The following SF3B1 variants were observed in gnomAD, a reference collection of about 807,000 sequenced individuals.
The protein encoded by SF3B1 is pre-mRNA processing 10.
Under a neutral mutation model 153.8 loss-of-function variants are expected in SF3B1, and 12 were observed. The ratio of observed to expected loss-of-function variants is 0.08; its 90% CI spans 0.05 to 0.13. The LOEUF (loss-of-function observed/expected upper bound fraction) is 0.13. Among genes scored for constraint, SF3B1 ranks in the 10% least tolerant of loss-of-function variants. The probability of loss-of-function intolerance (pLI) is 1.00; values close to 1 mark genes in which losing one functional copy is unlikely to be tolerated. For synonymous variants in SF3B1, 498 were observed against 525.2 expected, an observed-to-expected ratio of 0.95 and a Z score of 0.71; for missense variants, 513 against 1,606.1, an observed-to-expected ratio of 0.32 and a Z score of 11.63.
chr2:197,435,032 G>T, upstream of SF3B1: 1 of 1,614,204 alleles, frequency 6.2e-7, no homozygotes, highest in Non-Finnish European at 8.5e-7. Flanking sequence ...CGGAACTGGC[G>T]CTCCCAAGAA....
intron 6 of SF3B1, among the ~76,000 whole-genome samples, chr2:197,414,462 G>A (rs2085118211): frequency 1.3e-5 from 2 of 152,190 alleles, no homozygotes; most frequent in African/African-American, 4.8e-5. Context: ...CTAAGGAGTA[G>A]TAGCCACTGA....
At chr2:197,427,635 C>A (rs185367239) in intron 1 of SF3B1, among the ~76,000 whole-genome samples, 2 of 152,210 alleles carry the variant, frequency 1.3e-5, no homozygotes, top group South Asian at 2.1e-4. Context: ...GGAAAAAATA[C>A]GGCAGAAAAT....
At chr2:197,403,839 A>T (rs563951998) in intron 11 of SF3B1, 75 bp from the exon 12 acceptor site, 11 of 1,086,446 alleles carry the variant, frequency 1.0e-5, no homozygotes, top group Non-Finnish European at 1.4e-5. Flanking sequence ...TACTCAAAGA[A>T]GATTTTCCAT....
At chr2:197,429,385 G>A (rs1175405091) in intron 1 of SF3B1, among the ~76,000 whole-genome samples, 2 of 152,178 alleles carry the variant, frequency 1.3e-5, no homozygotes, top group Non-Finnish European at 2.9e-5. Flanking sequence ...ACTACAGTGT[G>A]TTTATCCATT....
intron 23 of SF3B1, chr2:197,393,442 A>T: frequency 2.2e-6 from 1 of 455,626 alleles, no homozygotes; most frequent in Non-Finnish European, 3.9e-6. Context: ...ATTAAGCCAT[A>T]TTTTCTAATT....
chr2:197,405,139 T>C lies in SF3B1; in HGVS notation c.1476A>G (p.Gln492=), dbSNP rs758582578. The C allele has an allele frequency of 5.0e-6, 8 of 1,612,782 alleles. No individual in the cohort carries two copies. The highest frequency in any genetic ancestry group is 6.8e-6 in the Non-Finnish European group (8 of 1,179,378). The change falls in exon 11 of 25, where the codon CAA becomes CAG. Residue 492 remains glutamine (Q), a synonymous_variant. Coordinates refer to ENST00000335508, the MANE Select transcript of SF3B1 (RefSeq NM_012433.4). ...GCAACTTCATTATTTTTCTCTCTTT[T>C]TGCTCTTCTGGACTAAGTGTTGATT... ...VDESTLSPEE[Q]KERKIMKLLL...
chr2:197,428,739 C>G (rs1264528509), intron 1 of SF3B1, among the ~76,000 whole-genome samples: 2 of 152,032 alleles, frequency 1.3e-5, no homozygotes, highest in Admixed American at 1.3e-4. Context: ...ACTAAAAATA[C>G]AAAAATTAGC....
chr2:197,402,527 A>G lies in SF3B1; in HGVS notation c.2077+29T>C. ...AGACCCTGTCTCCTAAAGAAAAAAA[A>G]AAAAAGACAAAGTTACATTACAACT... On this transcript the variant is annotated intron_variant, in intron 14 of 24. Transcript: ENST00000335508. This position sits in a 1 kb window ranked among gnomAD's most constrained non-coding sequence, Gnocchi z 4.6. 1 of 1,595,822 alleles carries G rather than the reference A, an allele frequency of 6.3e-7. No homozygotes were observed. Among genetic ancestry groups the G allele is most frequent in the South Asian group, 1.1e-5 (1 of 88,944 alleles).
intron 6 of SF3B1, among the ~76,000 whole-genome samples, chr2:197,410,896 C>T (rs1039028892): frequency 2.0e-5 from 3 of 152,062 alleles, no homozygotes; most frequent in Non-Finnish European, 4.4e-5. Context: ...ATAATATTAC[C>T]CTAGCTGATG....
Position 197,404,877 on chromosome 2 carries a change from A to G in SF3B1, c.1539+199T>C, listed in dbSNP as rs2084973437. 16 of 450,834 alleles carry G rather than the reference A, an allele frequency of 3.5e-5. No individual in the cohort carries two copies. In the South Asian group the frequency reaches 5.4e-4, roughly 15 times the overall value. 27.9% of individuals were successfully genotyped at this position (450,834 alleles called of 1,614,324 possible). On this transcript the variant is annotated intron_variant, in intron 11 of 24. Transcript: ENST00000335508. The stretch of plus-strand genomic sequence containing the variant: ...ATTTCCTGGTGAAAAAATTAAAAAC[A>G]TTTTTAAAAATATAAACATGGCCAG...
intron 24 of SF3B1, 113 bp from the exon 25 acceptor site, chr2:197,392,574 G>GC (rs369450323): frequency 2.3e-5 from 8 of 354,548 alleles, no homozygotes; most frequent in African/African-American, 1.8e-4. Flanking sequence ...GGGAGTTGGG[G>GC]GGGGGGGAAC....
At chr2:197,395,999 T>G in intron 23 of SF3B1, 57 bp downstream of exon 23, 1 of 1,444,336 alleles carries the variant, frequency 6.9e-7, no homozygotes, top group Non-Finnish European at 9.5e-7. Context: ...TTTCACGATG[T>G]TCTAAAATGA....
rs774215531 is a variant in SF3B1, at chr2:197,391,678, G to T, written c.*625C>A. ...TTTGAGAAATCAAGAGATGAAAGGCGCTATGTAAGTACAAAATATTCAAGA... is the reference window on the plus strand; with the variant it reads ...TTTGAGAAATCAAGAGATGAAAGGCTCTATGTAAGTACAAAATATTCAAGA... On this transcript the variant is annotated 3_prime_UTR_variant, in exon 25 of 25. Coordinates refer to ENST00000335508, the MANE Select transcript of SF3B1 (RefSeq NM_012433.4). 6.6e-6 allele frequency: 1 copy of T among 152,200 alleles called. No individual in the cohort carries two copies. Among genetic ancestry groups the T allele is most frequent in the African/African-American group, 2.4e-5 (1 of 41,434 alleles). The allele number at this position is 152,200 out of a possible 1,614,324, so 9.4% of individuals were successfully genotyped here.
chr2:197,411,727 T>G (rs898502463), intron 6 of SF3B1, among the ~76,000 whole-genome samples: 2 of 151,634 alleles, frequency 1.3e-5, no homozygotes, highest in African/African-American at 4.8e-5. Context: ...ACACAAGGAC[T>G]TCATCTACCT....
chr2:197,415,608 T>A (rs1042527608), intron 6 of SF3B1, among the ~76,000 whole-genome samples: 6 of 152,224 alleles, frequency 3.9e-5, no homozygotes, highest in African/African-American at 1.4e-4. Context: ...AAAAAATCAA[T>A]TTTAAAGACC....
In SF3B1 at chr2:197,392,344, T is replaced by C; in HGVS notation, c.3874A>G (p.Lys1292Glu). 6.8e-7 allele frequency: 1 copy of C among 1,478,556 alleles called. No individual in the cohort carries two copies. Among genetic ancestry groups the C allele is most frequent in the Non-Finnish European group, 9.5e-7 (1 of 1,057,050 alleles). The allele number at this position is 1,478,556 out of a possible 1,614,324, so 91.6% of individuals were successfully genotyped here. A position where few individuals can be genotyped will look rare whatever the true frequency, so the allele number is the denominator to read the frequency against. The stretch of plus-strand genomic sequence containing the variant: ...AGTTCATAACGAATATAGGTGTTCT[T>C]ATCATCGTTGTAGATTCTTGGGTAA... ...AHYPRIYNDDKNTYIRYELDY... is the reference protein window; with the variant it reads ...AHYPRIYNDDENTYIRYELDY... The change falls in exon 25 of 25, where the codon AAG (lysine) becomes GAG (glutamate). Residue 1292 changes from lysine to glutamate, a missense_variant. Lys to Glu is a moderately conservative substitution (Grantham distance 56). This residue lies in a region of SF3B1 where 33 missense variants were observed against 43.5 expected (regional missense o/e 0.76). Coordinates refer to ENST00000335508, the MANE Select transcript of SF3B1 (RefSeq NM_012433.4).
chr2:197,393,777 GAGC>G (rs1429876070), intron 23 of SF3B1, among the ~76,000 whole-genome samples: 1 of 152,144 alleles, frequency 6.6e-6, no homozygotes, highest in African/African-American at 2.4e-5. Context: ...AAAGGAATAT[GAGC>G]AGGAGGGCTC....
intron 2 of SF3B1, among the ~76,000 whole-genome samples, chr2:197,421,803 C>T (rs2085247018): frequency 6.6e-6 from 1 of 152,064 alleles, no homozygotes; most frequent in Non-Finnish European, 1.5e-5. Flanking sequence ...CATGGTGAAA[C>T]TCTGTCTCTA....
chr2:197,409,728 A>G, intron 7 of SF3B1, 42 bp downstream of exon 7: 2 of 1,429,574 alleles, frequency 1.4e-6, no homozygotes, highest in Non-Finnish European at 2.0e-6. Flanking sequence ...TAAACATATC[A>G]CTCAACATTT....
Sources: gnomAD v4.1 joint callset for allele counts (sites outside exome capture counted in the v4.1 genomes callset) on GRCh38, gnomAD v4.1.1 for gene constraint, gnomAD v4.1.1 regional missense constraint, Gnocchi (gnomAD v3.1) non-coding constraint, MANE v1.5 for transcripts, NCBI Gene and HGNC (gene_info 2026-07-23, HGNC 2026-07-21) for gene names.